PTP4A1: variants seen among roughly 807,000 people sequenced by gnomAD.
The protein encoded by PTP4A1 is protein tyrosine phosphatase type IVA 1.
In PTP4A1, 9 loss-of-function variants were observed where a neutral mutation model predicts 20.5. The ratio of observed to expected loss-of-function variants is 0.44; its 90% confidence interval spans 0.26 to 0.77. PTP4A1 has a LOEUF of 0.77. Among genes scored for constraint, PTP4A1 ranks in the 30% least tolerant of loss-of-function variants. The pLI is 0.19. For missense variants in PTP4A1, 137 were observed against 218.8 expected (o/e 0.63, Z 2.36); for synonymous variants, 78 against 67.4 (o/e 1.16, Z -0.77).
At chr6:63,523,337 A>T (rs1323601761) in intron 1 of PTP4A1, among the ~76,000 whole-genome samples, 1 of 152,108 alleles carries the variant, frequency 6.6e-6, no homozygotes, top group African/African-American at 2.4e-5. Context: ...GTTCGAGACT[A>T]GCCTGGCCAA....
At chr6:63,527,963 T>C (rs961027747) in exon 2 of PTP4A1, 1 of 152,234 alleles carries the variant, frequency 6.6e-6, no homozygotes, top group African/African-American at 2.4e-5. Context: ...AAAGCATCTA[T>C]GTGTTTATGA....
At chr6:63,548,803 G>T in intron 2 of PTP4A1, 1 of 732,918 alleles carries the variant, frequency 1.4e-6, no homozygotes, top group South Asian at 1.4e-5. Flanking sequence ...CCTCCCCAGT[G>T]ACGGCGGATC....
chr6:63,579,246 T>TA lies in PTP4A1; in HGVS notation c.330-10dup, dbSNP rs765871742. ...TGAAAAAACTATTTATCAAAATTCT[T>TA]ACCTCACCAGAGCTCCAGTACTTGT... On this transcript the variant is annotated splice_polypyrimidine_tract_variant and intron_variant, in intron 4 of 5. Coordinates refer to ENST00000626021, the MANE Select transcript of PTP4A1 (RefSeq NM_003463.5). 2 of 1,594,028 alleles carry TA rather than the reference T, an allele frequency of 1.3e-6. No individual in the cohort carries two copies. The highest frequency in any genetic ancestry group is 1.7e-6 in the Non-Finnish European group (2 of 1,172,048).
intron 1 of PTP4A1, among the ~76,000 whole-genome samples, chr6:63,574,309 C>T (rs1359751167): frequency 2.0e-5 from 3 of 152,176 alleles, no homozygotes; most frequent in Non-Finnish European, 4.4e-5. Flanking sequence ...AGAGATTACT[C>T]TTTCCTCCTC....
chr6:63,527,071 T>G (rs1388880644), intron 1 of PTP4A1, among the ~76,000 whole-genome samples: 2 of 152,054 alleles, frequency 1.3e-5, no homozygotes, highest in African/African-American at 4.8e-5. Context: ...CTCAGGCAGT[T>G]TCTTTTATCT....
chr6:63,565,629 A>G (rs554911334), intron 3 of PTP4A1, among the ~76,000 whole-genome samples: 1 of 152,304 alleles, frequency 6.6e-6, no homozygotes, highest in Non-Finnish European at 1.5e-5. Context: ...TGTCTGACTC[A>G]ACAAAACACA....
At chr6:63,559,036 C>G (rs898146080) in intron 3 of PTP4A1, among the ~76,000 whole-genome samples, 1 of 152,076 alleles carries the variant, frequency 6.6e-6, no homozygotes, top group South Asian at 2.1e-4. Flanking sequence ...TGTATGGAGG[C>G]GAGAAGGATA....
intron 2 of PTP4A1, among the ~76,000 whole-genome samples, chr6:63,542,905 C>T (rs919998874): frequency 2.6e-5 from 4 of 152,172 alleles, no homozygotes; most frequent in African/African-American, 9.7e-5. Flanking sequence ...CCTCTTATGT[C>T]GTGTTCCTAA....
intron 2 of PTP4A1, among the ~76,000 whole-genome samples, chr6:63,539,766 T>G (rs1187336547): frequency 7.5e-6 from 1 of 133,766 alleles, no homozygotes; most frequent in Admixed American, 7.4e-5. Flanking sequence ...AGACTCTGTC[T>G]CAAAAAAAAA....
intron 1 of PTP4A1, among the ~76,000 whole-genome samples, chr6:63,525,819 A>C (rs560886380): frequency 2.6e-5 from 4 of 152,330 alleles, no homozygotes; most frequent in Admixed American, 6.5e-5. Context: ...TGTGTAAATT[A>C]TCTCTTAAAA....
intron 2 of PTP4A1, among the ~76,000 whole-genome samples, chr6:63,541,026 A>AAAGGAAGGAAGGAAGG (rs60316277): frequency 6.8e-6 from 1 of 146,466 alleles, no homozygotes; most frequent in Non-Finnish European, 1.5e-5. Context: ...GGGAATGAAG[A>AAAGGAAGGAAGGAAGG]AAGGAAGGAA....
At chr6:63,576,341 A>G in intron 1 of PTP4A1, 95 bp from the exon 2 acceptor site, 1 of 395,240 alleles carries the variant, frequency 2.5e-6, no homozygotes, top group Non-Finnish European at 4.5e-6. Flanking sequence ...GCTTTAGAAA[A>G]ATAGTTGTGT....
rs543561132 is a variant in PTP4A1 at position 63,556,896 on chromosome 6, A to G, written c.-446+6403A>G. 6.2e-4 allele frequency among the ~76,000 whole-genome samples: 94 copies of G among 152,338 alleles called. 1 individual carries two copies. The highest frequency in any genetic ancestry group is 1.1e-3 in the Non-Finnish European group (74 of 68,028). On this transcript the variant is annotated intron_variant, in intron 3 of 3. Coordinates refer to the PTP4A1 transcript ENST00000639568. ...CAAGATAAACCCATCTATTATCATC[A>G]TCACTTCTTGATTTCATCCTCTAAT... is the stretch of plus-strand genomic sequence containing the variant.
At chr6:63,558,573 T>G (rs1285363424) in intron 3 of PTP4A1, among the ~76,000 whole-genome samples, 1 of 152,220 alleles carries the variant, frequency 6.6e-6, no homozygotes, top group Non-Finnish European at 1.5e-5. Context: ...TGGCTCAGCC[T>G]AAACCATGTT....
chr6:63,566,979 A>T (rs1777218332), intron 3 of PTP4A1, among the ~76,000 whole-genome samples: 1 of 152,216 alleles, frequency 6.6e-6, no homozygotes, highest in Non-Finnish European at 1.5e-5. Context: ...CTCCTTCATA[A>T]GAAGCAACTC....
At chr6:63,548,910 G>T in intron 2 of PTP4A1, 2 of 885,550 alleles carry the variant, frequency 2.3e-6, no homozygotes, top group Non-Finnish European at 3.8e-6. Flanking sequence ...GGCGACAGTG[G>T]TGCAGGTCTT....
intron 2 of PTP4A1, among the ~76,000 whole-genome samples, chr6:63,544,638 C>A (rs1019873772): frequency 1.3e-5 from 2 of 152,060 alleles, no homozygotes; most frequent in Admixed American, 6.6e-5. Context: ...TATTATTTAT[C>A]TTCTATATGA....
At position 63,534,506 on chromosome 6, in the gene PTP4A1, G is replaced by T. The variant is rs188057074; in HGVS notation, c.-640+6422G>T. On this transcript the variant is annotated intron_variant, in intron 2 of 3. Coordinates refer to the PTP4A1 transcript ENST00000639568. ...ACACACCTCTAAAACTGGGGTCTAA[G>T]CCAATGCAGTACTTACAAAACATTT... Among the ~76,000 whole-genome samples the T allele has an allele frequency of 2.4e-3, 361 of 151,260 alleles. 1 individual carries two copies. Among genetic ancestry groups the T allele is most frequent in the African/African-American group, 8.4e-3 (345 of 41,120 alleles).
chr6:63,572,219 C>G (rs1052038608), upstream of PTP4A1: 1 of 161,824 alleles, frequency 6.2e-6, no homozygotes, highest in African/African-American at 2.4e-5. Context: ...CGCTCCCACC[C>G]CTTCTTAACT....
Sources: gnomAD v4.1 joint callset for allele counts (sites outside exome capture counted in the v4.1 genomes callset) on GRCh38, gnomAD v4.1.1 for gene constraint, MANE v1.5 for transcripts, NCBI Gene and HGNC (gene_info 2026-07-23, HGNC 2026-07-21) for gene names.